The following BRAF variants were observed in gnomAD, a reference collection of about 807,000 sequenced individuals.
BRAF encodes B-Raf proto-oncogene, serine/threonine kinase.
Under a neutral mutation model 104.6 loss-of-function variants are expected in BRAF, and 16 were observed. The ratio of observed to expected loss-of-function variants is 0.15; its 90% CI spans 0.10 to 0.23. The LOEUF is 0.23. Among genes scored for constraint, BRAF ranks in the 10% least tolerant of loss-of-function variants. The pLI, the probability that BRAF is intolerant of heterozygous loss-of-function variation, is 1.00. For missense variants in BRAF, 541 were observed against 937.3 expected (o/e 0.58, Z 5.52); for synonymous variants, 310 against 341.6 (o/e 0.91, Z 1.02).
intron 2 of BRAF, among the ~76,000 whole-genome samples, chr7:140,847,739 T>A (rs1439500697): frequency 1.3e-5 from 2 of 152,238 alleles, no homozygotes; most frequent in African/African-American, 4.8e-5. Context: ...AGATGTGATA[T>A]TATTTCCACT....
At chr7:140,738,964 T>C (rs1005443660) in intron 18 of BRAF, among the ~76,000 whole-genome samples, 2 of 126,626 alleles carry the variant, frequency 1.6e-5, no homozygotes, top group Non-Finnish European at 3.2e-5. Context: ...CCTTCCAATA[T>C]GGAAAAAAAA....
chr7:140,777,396 T>C (rs780676721), intron 13 of BRAF, among the ~76,000 whole-genome samples: 1 of 152,194 alleles, frequency 6.6e-6, no homozygotes, highest in Non-Finnish European at 1.5e-5. Flanking sequence ...GGTTCTGGTA[T>C]TATAAAGTTT....
rs1223688355 is a variant in BRAF, at chr7:140,782,439, G to GT, written c.1434+581dup. On this transcript the variant is annotated intron_variant, in intron 11 of 19. Coordinates refer to ENST00000644969, the MANE Select transcript of BRAF (RefSeq NM_001374258.1). Reference sequence around the variant, plus strand: ...TTCAATCAGTGCTAAATTTCTTCATGTATCTTATCTAATTCGGTCTTTCCA... The same window carrying GT: ...TTCAATCAGTGCTAAATTTCTTCATGTTATCTTATCTAATTCGGTCTTTCCA... Among the ~76,000 whole-genome samples the GT allele has an allele frequency of 2.2e-5, 3 of 134,640 alleles. No homozygotes were observed. The South Asian group carries it at 6.9e-4, about 31-fold the overall frequency. The allele number at this position is 134,640 out of a possible 152,430, so 88.3% of individuals were successfully genotyped here.
At chr7:140,778,353 T>C (rs897967842) in intron 12 of BRAF, among the ~76,000 whole-genome samples, 1 of 152,194 alleles carries the variant, frequency 6.6e-6, no homozygotes, top group Non-Finnish European at 1.5e-5. Context: ...TAAGTACCCA[T>C]GGTATTTTCC....
chr7:140,841,530 T>C (rs1807967791), intron 2 of BRAF, among the ~76,000 whole-genome samples: 1 of 152,188 alleles, frequency 6.6e-6, no homozygotes, highest in Non-Finnish European at 1.5e-5. Context: ...AAACATGATA[T>C]ATGTGTATGA....
downstream of BRAF, among the ~76,000 whole-genome samples, chr7:140,717,828 TTA>T (rs1193610372): frequency 6.6e-6 from 1 of 152,232 alleles, no homozygotes; most frequent in Non-Finnish European, 1.5e-5. Flanking sequence ...GATGTTTATA[TTA>T]TAGAATTACC....
At chr7:140,860,550 C>A (rs1264570769) in intron 1 of BRAF, among the ~76,000 whole-genome samples, 1 of 151,478 alleles carries the variant, frequency 6.6e-6, no homozygotes, top group Non-Finnish European at 1.5e-5. Context: ...GGCTGAGAGG[C>A]TGAGGTGGGA....
chr7:140,720,588 C>G lies in BRAF; in HGVS notation c.*5906G>C. The G allele has an allele frequency of 2.8e-6, 3 of 1,065,686 alleles. No individual in the cohort carries two copies. Among genetic ancestry groups the G allele is most frequent in the Non-Finnish European group, 2.3e-6 (2 of 879,590 alleles). The allele number at this position is 1,065,686 out of a possible 1,614,324, so 66.0% of individuals were successfully genotyped here. On this transcript the variant is annotated 3_prime_UTR_variant, in exon 20 of 20. Transcript: ENST00000644969. ...GAATAAAAAGCATACTTATTGCACT[C>G]TTACATTTGATTTCAGGTAATTACA...
intron 1 of BRAF, among the ~76,000 whole-genome samples, chr7:140,902,354 C>T (rs1352637537): frequency 2.6e-5 from 4 of 152,208 alleles, no homozygotes; most frequent in Non-Finnish European, 5.9e-5. Context: ...TCTCACTGCT[C>T]CACTGACCAG....
chr7:140,821,665 G>T (rs1805500890), intron 3 of BRAF, among the ~76,000 whole-genome samples: 2 of 152,114 alleles, frequency 1.3e-5, no homozygotes, highest in African/African-American at 4.8e-5. Context: ...ACTGTGGAAA[G>T]CAGTTTGGAA....
chr7:140,718,266 T>A (rs901158118), downstream of BRAF, among the ~76,000 whole-genome samples: 9 of 151,546 alleles, frequency 5.9e-5, no homozygotes, highest in Non-Finnish European at 1.0e-4. Flanking sequence ...AGCTTTTTTT[T>A]ATTTCTTTCT....
intron 1 of BRAF, among the ~76,000 whole-genome samples, chr7:140,901,669 T>C (rs554024106): frequency 4.9e-4 from 75 of 152,372 alleles, no homozygotes; most frequent in Non-Finnish European, 7.6e-4. Context: ...GTGGTCTGTC[T>C]CTAAATAAGG....
downstream of BRAF, among the ~76,000 whole-genome samples, chr7:140,715,443 T>C (rs554240663): frequency 5.9e-5 from 9 of 152,194 alleles, no homozygotes; most frequent in Admixed American, 5.2e-4. Context: ...CCCCACCCCA[T>C]CCCTCATGAC....
At position 140,787,540 on chromosome 7, in the gene BRAF, C is replaced by T; in HGVS notation, c.1177+8G>A. 1 of 1,611,240 alleles carries T rather than the reference C, an allele frequency of 6.2e-7. No homozygotes were observed. The highest frequency in any genetic ancestry group is 8.5e-7 in the Non-Finnish European group (1 of 1,177,586). ...GAGTTTTTAAAAAAACCTGAAATCA[C>T]TACTTACCTCCATCACCACGAAATC... On this transcript the variant is annotated splice_region_variant and intron_variant, in intron 9 of 19. Transcript: ENST00000644969.
intron 3 of BRAF, among the ~76,000 whole-genome samples, chr7:140,809,566 T>C (rs148445734): frequency 3.6e-4 from 55 of 152,362 alleles, no homozygotes; most frequent in Non-Finnish European, 5.9e-4. Flanking sequence ...ACTACTTTTA[T>C]GTCACTACAG....
Position 140,886,790 on chromosome 7 carries a change from T to C in BRAF, c.139-36578A>G, listed in dbSNP as rs565622455. Among the ~76,000 whole-genome samples the C allele has an allele frequency of 7.0e-4, 106 of 152,354 alleles. 1 individual carries two copies. The highest frequency in any genetic ancestry group is 6.8e-3 in the Middle Eastern group (2 of 294). On this transcript the variant is annotated intron_variant, in intron 1 of 19. Transcript: ENST00000644969. Reference sequence around the variant, plus strand: ...TGTGTGTATGTATGTATTTTTTAAATAATTTGTTTAATGAACATCTGATTG... The same window carrying C: ...TGTGTGTATGTATGTATTTTTTAAACAATTTGTTTAATGAACATCTGATTG...
In BRAF at chr7:140,895,713, C is replaced by T. The variant is rs764243165; in HGVS notation, c.138+28853G>A. Among the ~76,000 whole-genome samples the T allele has an allele frequency of 9.9e-5, 15 of 152,190 alleles. 1 individual carries two copies. Among genetic ancestry groups the T allele is most frequent in the Non-Finnish European group, 1.9e-4 (13 of 68,028 alleles). ...TCTTTTGCTGGCTTATTTCACTTAA[C>T]GTGATGTCCTCCAGTTCCAATCATG... is the stretch of plus-strand genomic sequence containing the variant. On this transcript the variant is annotated intron_variant, in intron 1 of 19. Transcript: ENST00000644969.
chr7:140,876,284 A>C (rs1470950566), intron 1 of BRAF, among the ~76,000 whole-genome samples: 1 of 152,206 alleles, frequency 6.6e-6, no homozygotes, highest in African/African-American at 2.4e-5. Context: ...TTATAATGTA[A>C]TCTCTGGAGT....
At chr7:140,759,192 T>G (rs1232531108) in intron 14 of BRAF, among the ~76,000 whole-genome samples, 1 of 152,258 alleles carries the variant, frequency 6.6e-6, no homozygotes, top group East Asian at 1.9e-4. Flanking sequence ...AAGTCTTTGT[T>G]GTTGACTGAT....
Sources: allele counts gnomAD v4.1 joint callset (sites outside exome capture counted in the v4.1 genomes callset), GRCh38; gene constraint gnomAD v4.1.1; transcripts MANE v1.5; gene names NCBI Gene and HGNC (gene_info 2026-07-23, HGNC 2026-07-21).